PLA2G4F: variants seen among roughly 807,000 people sequenced by gnomAD.
The protein encoded by PLA2G4F is cytosolic phospholipase A2 zeta.
PLA2G4F carries 105 observed loss-of-function variants against 103.1 expected under a neutral mutation model. The ratio of observed to expected loss-of-function variants is 1.02; its 90% CI spans 0.87 to 1.20. The LOEUF (loss-of-function observed/expected upper bound fraction) is 1.20. Among genes scored for constraint, PLA2G4F ranks in the 50% most tolerant of loss-of-function variants. PLA2G4F has a pLI of 0.00. For synonymous variants in PLA2G4F, 468 were observed against 441.1 expected (o/e 1.06, Z -0.76); for missense variants, 1,155 against 1,075.9 (o/e 1.07, Z -1.03).
chr15:42,154,516 C>A, intron 2 of PLA2G4F, 58 bp from the exon 3 acceptor site: 1 of 1,487,990 alleles, frequency 6.7e-7, no homozygotes, highest in Non-Finnish European at 8.9e-7. Flanking sequence ...AAAAGGTTTC[C>A]TTGGGGAGGC....
At position 42,150,672 on chromosome 15, in the gene PLA2G4F, T is replaced by G. The variant is rs750375801; in HGVS notation, c.707A>C (p.His236Pro). 1.4e-5 allele frequency: 23 copies of G among 1,613,446 alleles called. No homozygotes were observed. The South Asian group carries it at 2.4e-4, about 17-fold the overall frequency. ...EPGLPPTFTF[H>P]VNPVLSSRLH... is the part of the protein sequence containing the mutation. ...CCTGGAGCTCAGCACTGGGTTCACGTGGAAGGTAAAGGTGGGTGGGAGGCC... is the reference window on the plus strand; with the variant it reads ...CCTGGAGCTCAGCACTGGGTTCACGGGGAAGGTAAAGGTGGGTGGGAGGCC... Residue 236 changes from histidine (H) to proline (P), a missense_variant, in exon 8 of 20, where the codon CAC (histidine) becomes CCC (proline). Physicochemically the swap from His to Pro is moderately conservative, Grantham distance 77. This residue lies in a region of PLA2G4F where 370 missense variants were observed against 364.9 expected (regional missense o/e 1.01). Coordinates refer to ENST00000397272, the MANE Select transcript of PLA2G4F (RefSeq NM_213600.4).
At position 42,141,036 on chromosome 15, in the gene PLA2G4F, C is replaced by A; in HGVS notation, c.*948G>T. On this transcript the variant is annotated 3_prime_UTR_variant, in exon 20 of 20. Transcript: ENST00000397272. ...GTGAGAAACAAAACTTGCCAAGACC[C>A]ATTGGATGCATCTGGGAAAGAGGCA... 2.8e-6 allele frequency: 1 copy of A among 351,754 alleles called. No homozygotes were observed. 21.8% of individuals were successfully genotyped at this position (351,754 alleles called of 1,614,324 possible). A position where few individuals can be genotyped will look rare whatever the true frequency, so the allele number is the denominator to read the frequency against.
chr15:42,145,654 G>A lies in PLA2G4F; in HGVS notation c.1701C>T (p.Ser567=), dbSNP rs1281470776. The A allele has an allele frequency of 1.2e-6, 2 of 1,613,970 alleles. No individual in the cohort carries two copies. Among genetic ancestry groups the A allele is most frequent in the African/African-American group, 2.7e-5 (2 of 74,898 alleles). The part of the protein sequence containing the change: ...QGMWGSAFAT[S]LDEIFLKTAG... ...CGGTCTTTAGGAAGATCTCATCCAG[G>A]CTGGTGGCAAAGGCGCTGCCCCACA... Residue 567 remains serine (S), a synonymous_variant, in exon 16 of 20, where the codon AGC becomes AGT. Coordinates refer to ENST00000397272, the MANE Select transcript of PLA2G4F (RefSeq NM_213600.4).
chr15:42,144,072 A>C lies in PLA2G4F; in HGVS notation c.2048T>G (p.Phe683Cys). Residue 683 changes from phenylalanine to cysteine, a missense_variant, in exon 18 of 20, where the codon TTT (phenylalanine) becomes TGT (cysteine). Phe to Cys is a radical substitution (Grantham distance 205, BLOSUM62 -2). Coordinates refer to ENST00000397272, the MANE Select transcript of PLA2G4F (RefSeq NM_213600.4). The part of the protein sequence containing the change: ...RDCLYLVDGG[F>C]AINSPFPLAL... ...CAGTGGGAACGGAGAGTTGATGGCA[A>C]AGCCTCCGTCCACCAGGTACAGGCA... 1 of 1,614,042 alleles carries C rather than the reference A, an allele frequency of 6.2e-7. No individual in the cohort carries two copies. The highest frequency in any genetic ancestry group is 8.5e-7 in the Non-Finnish European group (1 of 1,179,970).
In PLA2G4F at chr15:42,155,543, G is replaced by A; in HGVS notation, c.158C>T (p.Ala53Val). Residue 53 changes from alanine to valine, a missense_variant, in exon 2 of 20, where the codon GCC (alanine) becomes GTC (valine). This residue lies in a region of PLA2G4F where 370 missense variants were observed against 364.9 expected (regional missense o/e 1.01). Transcript: ENST00000397272. ...YYDLQVKVLR[A>V]TNIRGTDLLS... is the part of the protein sequence containing the mutation. ...CAGGTCTGTGCCCCGGATGTTTGTGGCCCTCAGCACCTTCACCTGGAGGTC... is the reference window on the plus strand; with the variant it reads ...CAGGTCTGTGCCCCGGATGTTTGTGACCCTCAGCACCTTCACCTGGAGGTC... 6.2e-7 allele frequency: 1 copy of A among 1,614,108 alleles called. No individual in the cohort carries two copies. The highest frequency in any genetic ancestry group is 8.5e-7 in the Non-Finnish European group (1 of 1,179,966).
At chr15:42,142,252 G>A in intron 19 of PLA2G4F, 48 bp from the exon 20 acceptor site, 1 of 1,512,900 alleles carries the variant, frequency 6.6e-7, no homozygotes. Context: ...GCCCTCTGTG[G>A]AACTGGCTGG....
intron 1 of PLA2G4F, among the ~76,000 whole-genome samples, chr15:42,155,822 A>C (rs1027586285): frequency 1.3e-5 from 2 of 152,030 alleles, no homozygotes; most frequent in Non-Finnish European, 2.9e-5. Context: ...TCCAGCACGG[A>C]CTCACTGAAC....
chr15:42,148,267 T>C (rs1413960826), intron 11 of PLA2G4F, among the ~76,000 whole-genome samples: 2 of 151,586 alleles, frequency 1.3e-5, no homozygotes, highest in African/African-American at 2.4e-5. Flanking sequence ...CCCAAGATCA[T>C]ACAGTTAAGT....
At chr15:42,147,098 G>T (rs376641966) in intron 13 of PLA2G4F, 26 bp downstream of exon 13, 3 of 1,592,596 alleles carry the variant, frequency 1.9e-6, no homozygotes, top group Non-Finnish European at 2.6e-6. Flanking sequence ...AGGAGCCTAC[G>T]TATTTCCTTC....
intron 7 of PLA2G4F, 43 bp downstream of exon 7, chr15:42,152,645 C>G: frequency 1.3e-6 from 2 of 1,548,412 alleles, no homozygotes; most frequent in Non-Finnish European, 1.7e-6. Context: ...GTTCCAACCC[C>G]GGGAGAGAAG....
chr15:42,146,391 G>A (rs1464670161), intron 13 of PLA2G4F, 150 bp from the exon 14 acceptor site: 2 of 720,716 alleles, frequency 2.8e-6, no homozygotes, highest in Non-Finnish European at 4.6e-6. Flanking sequence ...GCCCTCTGAG[G>A]GACAGGCTTC....
Position 42,142,663 on chromosome 15 carries a change from T to C in PLA2G4F, c.2194A>G (p.Ser732Gly). 2 of 1,614,090 alleles carry C rather than the reference T, an allele frequency of 1.2e-6. No individual in the cohort carries two copies. Among genetic ancestry groups the C allele is most frequent in the East Asian group, 2.2e-5 (1 of 44,860 alleles). ...ATGTCCTCAGGGCCCACCTCGATGC[T>C]AGGGAAGGGGATTCCTCGGTCCAGG... is the stretch of plus-strand genomic sequence containing the variant. ...YCLDRGIPFPSIEVGPEDMEE... is the reference protein window; with the variant it reads ...YCLDRGIPFPGIEVGPEDMEE... The change falls in exon 19 of 20, where the codon AGC (serine) becomes GGC (glycine). Residue 732 changes from serine (S) to glycine (G), a missense_variant. Coordinates refer to ENST00000397272, the MANE Select transcript of PLA2G4F (RefSeq NM_213600.4).
rs919152884 is a variant in PLA2G4F at position 42,139,322 on chromosome 15, C to A, written c.*2662G>T. ...TGCCTCAGGGTTATAGAACAGCTGTCTTTAGCTATTCTCCTCCAAAGCTAT... is the reference window on the plus strand; with the variant it reads ...TGCCTCAGGGTTATAGAACAGCTGTATTTAGCTATTCTCCTCCAAAGCTAT... On this transcript the variant is annotated 3_prime_UTR_variant, in exon 20 of 20. Transcript: ENST00000397272. The A allele has an allele frequency of 6.5e-6, 1 of 153,600 alleles. No individual in the cohort carries two copies. The highest frequency in any genetic ancestry group is 1.5e-5 in the Non-Finnish European group (1 of 68,060). The allele number at this position is 153,600 out of a possible 1,614,324, so 9.5% of individuals were successfully genotyped here.
At chr15:42,155,731 C>T (rs1014652930) in intron 1 of PLA2G4F, 142 bp from the exon 2 acceptor site, 16 of 772,032 alleles carry the variant, frequency 2.1e-5, no homozygotes, top group African/African-American at 8.6e-5. Flanking sequence ...GAGACCTTGG[C>T]GGGTCCCAGG....
intron 6 of PLA2G4F, 39 bp from the exon 7 acceptor site, chr15:42,152,793 C>T (rs1383761255): frequency 1.5e-5 from 23 of 1,537,970 alleles, no homozygotes; most frequent in Admixed American, 7.9e-5. Flanking sequence ...AGACAGCCCA[C>T]GGCCCCAGCC....
At chr15:42,153,584 T>G (rs763334790) in intron 5 of PLA2G4F, 36 bp downstream of exon 5, 1 of 1,613,046 alleles carries the variant, frequency 6.2e-7, no homozygotes, top group Non-Finnish European at 8.5e-7. Flanking sequence ...CTCAAATCTC[T>G]GAGTCTCTGA....
intron 1 of PLA2G4F, among the ~76,000 whole-genome samples, chr15:42,155,981 T>C (rs1023417645): frequency 1.3e-5 from 2 of 152,154 alleles, no homozygotes; most frequent in East Asian, 3.9e-4. Flanking sequence ...CCCCCTCCCT[T>C]GCTTGCTCCC....
At chr15:42,150,800 G>A in intron 7 of PLA2G4F, 23 bp from the exon 8 acceptor site, 1 of 1,596,926 alleles carries the variant, frequency 6.3e-7, no homozygotes, top group Non-Finnish European at 8.5e-7. Context: ...GGCCCAGGTG[G>A]GTGCGCAGGT....
rs773757601 is a variant in PLA2G4F, at chr15:42,145,759, G to A, written c.1672+7C>T. 9.6e-5 allele frequency: 155 copies of A among 1,613,860 alleles called. 1 individual carries two copies. The highest frequency in any genetic ancestry group is 4.9e-4 in the South Asian group (45 of 91,060). On this transcript the variant is annotated splice_region_variant and intron_variant, in intron 15 of 19. Transcript: ENST00000397272. ...TGCCTGTCCCCAGCCCTCCAGCCTC[G>A]ACTCACCTTGCAGGTAACAGATCCG...
Sources: gnomAD v4.1 joint callset for allele counts (sites outside exome capture counted in the v4.1 genomes callset) on GRCh38, gnomAD v4.1.1 for gene constraint, gnomAD v4.1.1 regional missense constraint, MANE v1.5 for transcripts, NCBI Gene and HGNC (gene_info 2026-07-23, HGNC 2026-07-21) for gene names.